CNTN5: variants seen among roughly 807,000 people sequenced by gnomAD.
CNTN5 encodes contactin 5, also known as contactin-5.
In CNTN5, 77 loss-of-function variants were observed where a neutral mutation model predicts 129.1. The ratio of observed to expected loss-of-function variants is 0.60; its 90% CI spans 0.50 to 0.72. CNTN5 has a LOEUF of 0.72. Among genes scored for constraint, CNTN5 ranks in the 30% least tolerant of loss-of-function variants. CNTN5 has a pLI of 0.00. For missense variants in CNTN5, 1,478 were observed against 1,328.8 expected, an observed-to-expected ratio of 1.11 and a Z score of -1.75; for synonymous variants, 509 against 465.6, an observed-to-expected ratio of 1.09 and a Z score of -1.20.
At chr11:99,592,711 T>A (rs1217888209) in intron 3 of CNTN5, among the ~76,000 whole-genome samples, 6 of 152,190 alleles carry the variant, frequency 3.9e-5, no homozygotes, top group African/African-American at 1.2e-4. Context: ...ATTAATATCA[T>A]GTAAATATTT....
intron 3 of CNTN5, among the ~76,000 whole-genome samples, chr11:99,558,735 T>C (rs1948750159): frequency 6.6e-6 from 1 of 151,960 alleles, no homozygotes; most frequent in Non-Finnish European, 1.5e-5. Context: ...AAGACAGAAA[T>C]AATTAGGAAG....
At chr11:99,782,820 A>C (rs1001771852) in intron 3 of CNTN5, among the ~76,000 whole-genome samples, 36 of 152,026 alleles carry the variant, frequency 2.4e-4, no homozygotes, top group African/African-American at 8.7e-4. Flanking sequence ...CTTATACAAA[A>C]ATCAATTCAA....
chr11:99,324,310 A>C (rs547377366), intron 1 of CNTN5, among the ~76,000 whole-genome samples: 1 of 152,312 alleles, frequency 6.6e-6, no homozygotes, highest in South Asian at 2.1e-4. Context: ...TGAGGTTATC[A>C]ATCTCAAGTT....
intron 3 of CNTN5, among the ~76,000 whole-genome samples, chr11:99,737,137 ACACACAAACACACACACACACACACG>A (rs1245147499): frequency 2.1e-5 from 3 of 145,832 alleles, no homozygotes; most frequent in Admixed American, 2.0e-4. Flanking sequence ...ACATGCACAC[ACACACAAACACACACACACACACACG>A]CACACGCACA....
chr11:99,314,695 T>C (rs1458885639), intron 1 of CNTN5, among the ~76,000 whole-genome samples: 1 of 150,938 alleles, frequency 6.6e-6, no homozygotes. Flanking sequence ...AGTGAGAGAA[T>C]AGGGTAGGGA....
chr11:99,395,585 C>T (rs1193562411), intron 2 of CNTN5, among the ~76,000 whole-genome samples: 3 of 151,790 alleles, frequency 2.0e-5, no homozygotes, highest in Non-Finnish European at 4.4e-5. Flanking sequence ...GGTGCCATTG[C>T]TTTTGGTGTC....
intron 3 of CNTN5, among the ~76,000 whole-genome samples, chr11:99,780,090 A>G (rs564489499): frequency 6.6e-5 from 10 of 152,020 alleles, no homozygotes; most frequent in Non-Finnish European, 1.5e-4. Flanking sequence ...ATCCTTAAAA[A>G]TGTTTTGGCA....
At chr11:99,706,632 C>G (rs565980408) in intron 3 of CNTN5, among the ~76,000 whole-genome samples, 1 of 151,314 alleles carries the variant, frequency 6.6e-6, no homozygotes, top group Non-Finnish European at 1.5e-5. Flanking sequence ...TCGTCAGAAA[C>G]TATTTTTCTC....
chr11:99,460,777 TA>T (rs1273418560), intron 2 of CNTN5, among the ~76,000 whole-genome samples: 2 of 152,064 alleles, frequency 1.3e-5, no homozygotes, highest in Non-Finnish European at 2.9e-5. Flanking sequence ...CGTACCTTGC[TA>T]GTGAGAGTTT....
chr11:99,910,571 C>T (rs1404893224), intron 6 of CNTN5, among the ~76,000 whole-genome samples: 1 of 151,960 alleles, frequency 6.6e-6, no homozygotes, highest in Non-Finnish European at 1.5e-5. Context: ...TTGCTTTTGT[C>T]CTGGTATAGT....
At chr11:100,315,189 C>T (rs1476881108) in intron 21 of CNTN5, among the ~76,000 whole-genome samples, 1 of 152,138 alleles carries the variant, frequency 6.6e-6, no homozygotes, top group African/African-American at 2.4e-5. Flanking sequence ...CAGAGGCTTC[C>T]CCTGGTAGCA....
intron 13 of CNTN5, among the ~76,000 whole-genome samples, chr11:100,175,272 C>T (rs1384298258): frequency 6.6e-6 from 1 of 152,076 alleles, no homozygotes; most frequent in African/African-American, 2.4e-5. Flanking sequence ...CGGTGTGCTT[C>T]ATTTTCTTCC....
At chr11:99,991,107 A>G (rs1198439503) in intron 8 of CNTN5, among the ~76,000 whole-genome samples, 1 of 152,228 alleles carries the variant, frequency 6.6e-6, no homozygotes, top group Non-Finnish European at 1.5e-5. Context: ...CAGATAGGTT[A>G]TGAGCTAGAA....
At chr11:100,168,925 C>T (rs1283746081) in intron 13 of CNTN5, among the ~76,000 whole-genome samples, 1 of 150,768 alleles carries the variant, frequency 6.6e-6, no homozygotes, top group Non-Finnish European at 1.5e-5. Flanking sequence ...AATTTGATTC[C>T]AACCCTTAGG....
chr11:99,935,364 G>C lies in CNTN5; in HGVS notation c.673+19215G>C, dbSNP rs1037466316. Among the ~76,000 whole-genome samples, 4 of 151,934 alleles carry C rather than the reference G, an allele frequency of 2.6e-5. No homozygotes were observed. The East Asian group carries it at 7.8e-4, about 29-fold the overall frequency. On this transcript the variant is annotated intron_variant, in intron 7 of 24. Transcript: ENST00000524871. The stretch of plus-strand genomic sequence containing the variant: ...ATATAATACATGCCTTAGGACCTTA[G>C]AGATTAGGTTTTTTTCACCGAGCAT...
At chr11:100,221,630 A>G (rs1339127140) in intron 15 of CNTN5, among the ~76,000 whole-genome samples, 1 of 152,160 alleles carries the variant, frequency 6.6e-6, no homozygotes, top group African/African-American at 2.4e-5. Flanking sequence ...GTGAACATAC[A>G]TCCTGTTTCT....
At chr11:99,243,467 T>A (rs1861661960) in intron 1 of CNTN5, among the ~76,000 whole-genome samples, 2 of 152,078 alleles carry the variant, frequency 1.3e-5, no homozygotes, top group Admixed American at 1.3e-4. Flanking sequence ...TTGTTTTAAT[T>A]AGGCCTTACT....
chr11:99,521,844 A>G (rs1276897908), intron 2 of CNTN5, among the ~76,000 whole-genome samples: 2 of 152,208 alleles, frequency 1.3e-5, no homozygotes, highest in Non-Finnish European at 2.9e-5. Context: ...TCATTCAAAC[A>G]TGTTTCTCTA....
At chr11:99,751,483 T>C (rs1404105229) in intron 3 of CNTN5, among the ~76,000 whole-genome samples, 1 of 152,216 alleles carries the variant, frequency 6.6e-6, no homozygotes, top group African/African-American at 2.4e-5. Context: ...TTTAAAATTA[T>C]ATTATTTGAC....
Sources: gnomAD v4.1 joint callset for allele counts (sites outside exome capture counted in the v4.1 genomes callset) on GRCh38, gnomAD v4.1.1 for gene constraint, MANE v1.5 for transcripts, NCBI Gene and HGNC (gene_info 2026-07-23, HGNC 2026-07-21) for gene names.